The following XPO1 variants were observed in gnomAD, a reference collection of about 807,000 sequenced individuals.
The protein encoded by XPO1 is exportin-1.
XPO1 carries 5 observed loss-of-function variants against 133.3 expected under a neutral mutation model. The ratio of observed to expected loss-of-function variants is 0.04; its 90% CI spans 0.02 to 0.08. XPO1 has a LOEUF of 0.08. Ranked by LOEUF, XPO1 falls within the 10% of genes least tolerant of loss-of-function variation. The pLI is 1.00. For missense variants in XPO1, 506 were observed against 1,267.5 expected, an observed-to-expected ratio of 0.40 and a Z score of 9.12; for synonymous variants, 419 against 408.2, an observed-to-expected ratio of 1.03 and a Z score of -0.32.
At chr2:61,521,462 T>C (rs181895604) in intron 4 of XPO1, among the ~76,000 whole-genome samples, 45 of 152,228 alleles carry the variant, frequency 3.0e-4, no homozygotes, top group East Asian at 2.9e-3. Context: ...TGAAATATAG[T>C]AGGTAAAAAG....
At chr2:61,517,245 ACT>A (rs1044150673) in intron 4 of XPO1, among the ~76,000 whole-genome samples, 2 of 152,060 alleles carry the variant, frequency 1.3e-5, no homozygotes, top group Non-Finnish European at 2.9e-5. Context: ...CTGAATCATG[ACT>A]CTGATAAAGA....
chr2:61,482,214 C>T (rs9679557), intron 23 of XPO1, among the ~76,000 whole-genome samples, 166 bp downstream of exon 23: 22 of 147,326 alleles, frequency 1.5e-4, no homozygotes, highest in East Asian at 4.0e-4. Flanking sequence ...CTTCTGACTA[C>T]TTTTTTTTTT....
intron 17 of XPO1, among the ~76,000 whole-genome samples, chr2:61,489,025 G>A (rs921447998): frequency 2.0e-5 from 3 of 151,764 alleles, no homozygotes; most frequent in Admixed American, 6.6e-5. Flanking sequence ...CGGCGTGAAC[G>A]CTAGAGATGG....
intron 4 of XPO1, among the ~76,000 whole-genome samples, chr2:61,515,848 C>A (rs1446394282): frequency 6.7e-6 from 1 of 149,914 alleles, no homozygotes; most frequent in Non-Finnish European, 1.5e-5. Flanking sequence ...CTTTGGGAGG[C>A]CGAGGAGGGT....
chr2:61,483,708 C>T, intron 21 of XPO1: 1 of 461,228 alleles, frequency 2.2e-6, no homozygotes, highest in Non-Finnish European at 3.8e-6. Context: ...TTGTATTACG[C>T]AAACCAATTA....
chr2:61,493,176 A>C (rs926954851), intron 12 of XPO1, 123 bp from the exon 13 acceptor site: 6 of 979,166 alleles, frequency 6.1e-6, no homozygotes, highest in South Asian at 2.0e-5. Flanking sequence ...GTAGGGATTC[A>C]TGCCTATAAT....
intron 4 of XPO1, among the ~76,000 whole-genome samples, chr2:61,507,197 T>C (rs1400934920): frequency 2.8e-5 from 4 of 140,902 alleles, no homozygotes; most frequent in Non-Finnish European, 6.0e-5. Context: ...TGAGCCAAGA[T>C]TGTGCCACTG....
At chr2:61,525,408 AT>A (rs1698872147) in intron 3 of XPO1, 4 of 995,218 alleles carry the variant, frequency 4.0e-6, no homozygotes, top group Non-Finnish European at 4.8e-6. Flanking sequence ...AGAAAAAAAA[AT>A]GATTGCATAA....
At chr2:61,483,163 CA>C in intron 21 of XPO1, 72 bp from the exon 22 acceptor site, 2 of 1,498,022 alleles carry the variant, frequency 1.3e-6, no homozygotes, top group South Asian at 2.7e-5. Flanking sequence ...TAGCTCTTAT[CA>C]AAGTATTCTG....
intron 4 of XPO1, among the ~76,000 whole-genome samples, chr2:61,520,222 T>C (rs1698623318): frequency 6.6e-6 from 1 of 152,218 alleles, no homozygotes; most frequent in Non-Finnish European, 1.5e-5. Flanking sequence ...AATAAAATGT[T>C]TTAAATTAAT....
At chr2:61,518,566 G>A (rs1009656672) in intron 4 of XPO1, among the ~76,000 whole-genome samples, 8 of 148,150 alleles carry the variant, frequency 5.4e-5, no homozygotes, top group African/African-American at 7.5e-5. Flanking sequence ...GCACTGAGCC[G>A]AGATCACGCC....
intron 2 of XPO1, among the ~76,000 whole-genome samples, chr2:61,533,047 C>T (rs761746746): frequency 5.3e-5 from 8 of 151,936 alleles, no homozygotes; most frequent in Admixed American, 1.3e-4. Flanking sequence ...GGCATGGTGG[C>T]GTGTGCCTGT....
At chr2:61,493,296 G>A (rs1242788921) in intron 12 of XPO1, 2 of 350,960 alleles carry the variant, frequency 5.7e-6, no homozygotes, top group Non-Finnish European at 1.0e-5. Flanking sequence ...AAAAATACTG[G>A]GGCTTAAAGC....
intron 4 of XPO1, among the ~76,000 whole-genome samples, chr2:61,513,124 G>A (rs1015881155): frequency 8.6e-5 from 13 of 151,906 alleles, no homozygotes; most frequent in African/African-American, 2.7e-4. Flanking sequence ...GCATGATCTC[G>A]GCTCACTGCA....
intron 2 of XPO1, among the ~76,000 whole-genome samples, chr2:61,529,213 T>A (rs1350921157): frequency 6.6e-6 from 1 of 152,234 alleles, no homozygotes; most frequent in African/African-American, 2.4e-5. Context: ...GTCAGTTATC[T>A]TTCTCTTATA....
intron 10 of XPO1, 149 bp from the exon 11 acceptor site, chr2:61,495,762 C>T: frequency 1.4e-6 from 1 of 703,214 alleles, no homozygotes; most frequent in Non-Finnish European, 2.0e-6. Flanking sequence ...GCCTCCACCT[C>T]CTAGGCCCAA....
intron 2 of XPO1, among the ~76,000 whole-genome samples, chr2:61,533,006 C>G (rs35585307): frequency 0.58 from 88,736 of 151,692 alleles, 26,100 homozygotes; most frequent in Middle Eastern, 0.69. Flanking sequence ...CGGTGAAACC[C>G]CATCTCTACT....
rs1696179269 is a variant in XPO1, at chr2:61,478,684, A to G, written c.*136T>C. The G allele has an allele frequency of 3.5e-6, 3 of 860,394 alleles. No homozygotes were observed. 53.3% of individuals were successfully genotyped at this position (860,394 alleles called of 1,614,324 possible). A position where few individuals can be genotyped will look rare whatever the true frequency, so the allele number is the denominator to read the frequency against. ...TATTTCACAGAAAATTTCTTATACA[A>G]AAAAACACATAAGAAAAAGGGCCAC... On this transcript the variant is annotated 3_prime_UTR_variant, in exon 25 of 25. Transcript: ENST00000401558.
intron 2 of XPO1, among the ~76,000 whole-genome samples, chr2:61,529,599 T>C (rs1573225647): frequency 6.6e-6 from 1 of 151,714 alleles, no homozygotes; most frequent in Admixed American, 6.6e-5. Flanking sequence ...AAGGCGGAGG[T>C]TGCAGTGATT....
Sources: allele counts gnomAD v4.1 joint callset (sites outside exome capture counted in the v4.1 genomes callset), GRCh38; gene constraint gnomAD v4.1.1; transcripts MANE v1.5; gene names NCBI Gene and HGNC (gene_info 2026-07-23, HGNC 2026-07-21).